The following PAX6 variants were observed in gnomAD, a reference collection of about 807,000 sequenced individuals.
The protein encoded by PAX6 is paired box 6.
In PAX6, 7 loss-of-function variants were observed where a neutral mutation model predicts 60.7. The ratio of observed to expected loss-of-function variants is 0.12; its 90% CI spans 0.07 to 0.22. PAX6 has a LOEUF of 0.22. Among genes scored for constraint, PAX6 ranks in the 10% least tolerant of loss-of-function variants. The probability of loss-of-function intolerance (pLI) is 1.00; values close to 1 mark genes in which losing one functional copy is unlikely to be tolerated. For missense variants in PAX6, 355 were observed against 555.2 expected (o/e 0.64, Z 3.62); for synonymous variants, 208 against 201.2 (o/e 1.03, Z -0.29).
chr11:31,797,354 G>T (rs1481467092), intron 8 of PAX6, among the ~76,000 whole-genome samples: 1 of 152,064 alleles, frequency 6.6e-6, no homozygotes, highest in Non-Finnish European at 1.5e-5. Flanking sequence ...AAAACATGGA[G>T]ATTCACATTC....
Position 31,802,727 on chromosome 11 carries a change from A to T in PAX6, c.118T>A (p.Cys40Ser). ...ACCTGCAGAATTCGGGAAATGTCGC[A>T]CGGCCGGGCCCCGCTGTGAGCTAGC... The part of the protein sequence containing the change: ...VELAHSGARP[C>S]DISRILQTHA... The change falls in exon 5 of 14, where the codon TGC becomes AGC. Residue 40 changes from cysteine (C) to serine (S), a missense_variant. Physicochemically the swap from Cys to Ser is moderately radical, Grantham distance 112 (BLOSUM62 -1). Coordinates refer to ENST00000640368, the MANE Select transcript of PAX6 (RefSeq NM_001368894.2). The T allele has an allele frequency of 1.2e-6, 2 of 1,613,300 alleles. No homozygotes were observed. Among genetic ancestry groups the T allele is most frequent in the Non-Finnish European group, 1.7e-6 (2 of 1,179,450 alleles).
At chr11:31,802,535 A>C in intron 5 of PAX6, 169 bp downstream of exon 5, 1 of 599,040 alleles carries the variant, frequency 1.7e-6, no homozygotes. Flanking sequence ...GGATGGTGGA[A>C]GGAGAGGGGA....
chr11:31,807,448 C>T (rs1198225332), intron 2 of PAX6: 1 of 152,228 alleles, frequency 6.6e-6, no homozygotes, highest in East Asian at 1.9e-4. Flanking sequence ...CCTTTATCTT[C>T]TACTCCTCTC....
At chr11:31,814,529 C>A (rs1414274933), upstream of PAX6, 1 of 152,272 alleles carries the variant, frequency 6.6e-6, no homozygotes, top group Admixed American at 6.5e-5. Context: ...CGCCGGCGCG[C>A]TGGAAAGGGT....
chr11:31,810,411 G>C (rs1250214238), intron 2 of PAX6: 1 of 154,752 alleles, frequency 6.5e-6, no homozygotes, highest in Admixed American at 6.5e-5. Context: ...GCCGGCAGCG[G>C]TTGCTCTCTG....
Position 31,800,791 on chromosome 11 carries a change from G to C in PAX6, c.465C>G (p.Gly155=), listed in dbSNP as rs139803630. 176 of 1,614,154 alleles carry C rather than the reference G, an allele frequency of 1.1e-4. No individual in the cohort carries two copies. The highest frequency in any genetic ancestry group is 3.3e-4 in the Middle Eastern group (2 of 6,062). Residue 155 remains glycine, a synonymous_variant, in exon 8 of 14, where the codon GGC becomes GGG. Coordinates refer to ENST00000640368, the MANE Select transcript of PAX6 (RefSeq NM_001368894.2). ...TCAACATCCTTAGTTTATCATACAT[G>C]CCGTCTGCGCCCATCTGTTGCTTTT... is the stretch of plus-strand genomic sequence containing the variant. ...ASEKQQMGAD[G]MYDKLRMLNG...
chr11:31,792,992 A>T, intron 12 of PAX6: 1 of 460,680 alleles, frequency 2.2e-6, no homozygotes, highest in Non-Finnish European at 3.9e-6. Flanking sequence ...CTAGTTTATC[A>T]CATATACCCA....
At chr11:31,798,286 G>A (rs571093592) in intron 8 of PAX6, among the ~76,000 whole-genome samples, 1 of 152,226 alleles carries the variant, frequency 6.6e-6, no homozygotes, top group Admixed American at 6.5e-5. Context: ...AATTGGGGCT[G>A]GATAGAGTTG....
intron 2 of PAX6, chr11:31,807,922 AGTC>A (rs1478027192): frequency 2.8e-4 from 43 of 151,970 alleles, no homozygotes; most frequent in Non-Finnish European, 5.1e-4. Context: ...AAAAAAAAAA[AGTC>A]TTTTGGGTGA....
chr11:31,800,260 T>G (rs1482192959), intron 8 of PAX6, among the ~76,000 whole-genome samples: 1 of 152,146 alleles, frequency 6.6e-6, no homozygotes, highest in Non-Finnish European at 1.5e-5. Flanking sequence ...ACCCTACTCA[T>G]AGTCACATAA....
intron 1 of PAX6, among the ~76,000 whole-genome samples, chr11:31,817,220 T>C (rs947155984): frequency 3.3e-5 from 5 of 152,266 alleles, no homozygotes; most frequent in African/African-American, 4.8e-5. Context: ...CTGGGAGCTT[T>C]ACGCGCTGCC....
chr11:31,793,272 T>C (rs1457622383), intron 12 of PAX6, 166 bp downstream of exon 12: 1 of 715,014 alleles, frequency 1.4e-6, no homozygotes. Context: ...AGTCAATCAC[T>C]TAAAAGTGAT....
intron 4 of PAX6, chr11:31,806,097 G>C (rs12278087): frequency 4.1e-5 from 18 of 438,312 alleles, no homozygotes; most frequent in Non-Finnish European, 6.7e-5. Context: ...GCCCGGGCAG[G>C]GGCGAGAGGG....
intron 8 of PAX6, among the ~76,000 whole-genome samples, chr11:31,795,843 C>G (rs1168393399): frequency 6.6e-6 from 1 of 152,250 alleles, no homozygotes; most frequent in Non-Finnish European, 1.5e-5. Context: ...AGGGCCACTA[C>G]AGGCTGGGTC....
chr11:31,801,983 T>G (rs1954059639), intron 5 of PAX6, 71 bp from the exon 6 acceptor site: 1 of 1,231,862 alleles, frequency 8.1e-7, no homozygotes, highest in Non-Finnish European at 1.2e-6. Context: ...TAAAATTACA[T>G]TTGTAGCCCT....
chr11:31,800,556 C>T (rs769743452), intron 8 of PAX6, 135 bp downstream of exon 8: 1 of 1,074,736 alleles, frequency 9.3e-7, no homozygotes, highest in Non-Finnish European at 1.4e-6. Flanking sequence ...TCGATGTGTC[C>T]CAGGCCTTCA....
At chr11:31,799,204 T>C (rs1300399710) in intron 8 of PAX6, among the ~76,000 whole-genome samples, 2 of 152,048 alleles carry the variant, frequency 1.3e-5, no homozygotes, top group Non-Finnish European at 2.9e-5. Context: ...CTACACTCGG[T>C]GGGGTCAATC....
chr11:31,801,510 A>G (rs772504232), intron 7 of PAX6, 51 bp downstream of exon 7: 3 of 1,613,292 alleles, frequency 1.9e-6, no homozygotes, highest in Non-Finnish European at 2.5e-6. Context: ...GGTAAAGAGG[A>G]GAGAGCATTG....
At position 31,794,989 on chromosome 11, in the gene PAX6, A is replaced by G. The variant is rs146991164; in HGVS notation, c.566-201T>C. Among the ~76,000 whole-genome samples the G allele has an allele frequency of 8.1e-4, 124 of 152,354 alleles. 1 individual carries two copies. The highest frequency in any genetic ancestry group is 1.6e-3 in the Non-Finnish European group (108 of 68,028). On this transcript the variant is annotated intron_variant, in intron 8 of 13. Coordinates refer to ENST00000640368, the MANE Select transcript of PAX6 (RefSeq NM_001368894.2). ...GACCACCATTTTCTTTGTTTTTATC[A>G]AGATGAGACTTTATAATACACACAC...
Sources: gnomAD v4.1 joint callset for allele counts (sites outside exome capture counted in the v4.1 genomes callset) on GRCh38, gnomAD v4.1.1 for gene constraint, MANE v1.5 for transcripts, NCBI Gene and HGNC (gene_info 2026-07-23, HGNC 2026-07-21) for gene names.